ITGB5: variants seen among roughly 807,000 people sequenced by gnomAD.
The protein encoded by ITGB5 is integrin beta-5.
Under a neutral mutation model 84.8 loss-of-function variants are expected in ITGB5, and 38 were observed. That is an observed-to-expected ratio of 0.45 (90% CI 0.35 to 0.59). The LOEUF is 0.59. Ranked by LOEUF, ITGB5 falls within the 20% of genes least tolerant of loss-of-function variation. The pLI is 0.01. For synonymous variants in ITGB5, 393 were observed against 414.4 expected (o/e 0.95, Z 0.63); for missense variants, 905 against 1,034.5 (o/e 0.87, Z 1.72).
chr3:124,770,050 C>T (rs1281610032), intron 11 of ITGB5: 4 of 152,236 alleles, frequency 2.6e-5, no homozygotes, highest in African/African-American at 7.2e-5. Context: ...TGTCTGTCTT[C>T]GGAGACATCT....
At chr3:124,868,168 C>T (rs777985249) in intron 2 of ITGB5, among the ~76,000 whole-genome samples, 8 of 152,132 alleles carry the variant, frequency 5.3e-5, no homozygotes, top group Non-Finnish European at 8.8e-5. Flanking sequence ...CCAGCCATGG[C>T]GAACTGTGAG....
intron 1 of ITGB5, among the ~76,000 whole-genome samples, chr3:124,874,361 A>C (rs1237745663): frequency 6.6e-6 from 1 of 152,030 alleles, no homozygotes; most frequent in Non-Finnish European, 1.5e-5. Flanking sequence ...AATATCCCCA[A>C]AATGGAAAGA....
chr3:124,868,618 CA>C (rs67873873), intron 2 of ITGB5, among the ~76,000 whole-genome samples: 27,864 of 68,176 alleles, frequency 0.41, 2,664 homozygotes, highest in East Asian at 0.53. Context: ...TGTTCTCTAC[CA>C]AAAAAAAAAA....
At chr3:124,849,999 G>A (rs2065129590) in intron 3 of ITGB5, among the ~76,000 whole-genome samples, 1 of 152,042 alleles carries the variant, frequency 6.6e-6, no homozygotes, top group Non-Finnish European at 1.5e-5. Flanking sequence ...CTTTGTGTGT[G>A]TAGAGGCACA....
chr3:124,883,185 T>C (rs1437814796), intron 1 of ITGB5, among the ~76,000 whole-genome samples: 1 of 152,174 alleles, frequency 6.6e-6, no homozygotes, highest in African/African-American at 2.4e-5. Context: ...ATTACTGATA[T>C]CGTTAAAGCA....
intron 2 of ITGB5, among the ~76,000 whole-genome samples, chr3:124,866,788 G>A (rs529157814): frequency 7.2e-5 from 11 of 152,300 alleles, no homozygotes; most frequent in African/African-American, 2.6e-4. Context: ...GGTAGCTGAT[G>A]ACAACCAAGA....
intron 1 of ITGB5, among the ~76,000 whole-genome samples, chr3:124,892,812 T>C (rs1399546563): frequency 6.6e-6 from 1 of 152,036 alleles, no homozygotes; most frequent in Admixed American, 6.6e-5. Flanking sequence ...TGTTTCACAA[T>C]TCAGATTTAC....
chr3:124,873,890 A>AAAAGAATAC (rs1354367017), intron 1 of ITGB5, among the ~76,000 whole-genome samples: 1 of 152,236 alleles, frequency 6.6e-6, no homozygotes, highest in East Asian at 1.9e-4. Flanking sequence ...AAGAAAAGAA[A>AAAAGAATAC]AAAGAATACA....
intron 2 of ITGB5, among the ~76,000 whole-genome samples, chr3:124,865,092 G>A (rs2065367051): frequency 6.6e-6 from 1 of 152,212 alleles, no homozygotes; most frequent in South Asian, 2.1e-4. Flanking sequence ...TGGGCCCAAA[G>A]CTTCCATCCT....
At chr3:124,886,690 T>C (rs1257654283) in intron 1 of ITGB5, among the ~76,000 whole-genome samples, 1 of 151,666 alleles carries the variant, frequency 6.6e-6, no homozygotes, top group Non-Finnish European at 1.5e-5. Flanking sequence ...CCAGCCTGTT[T>C]ACACAGGAAG....
chr3:124,888,622 C>T (rs1259439444), upstream of ITGB5, among the ~76,000 whole-genome samples: 2 of 152,224 alleles, frequency 1.3e-5, no homozygotes, highest in Non-Finnish European at 2.9e-5. Flanking sequence ...CTCCGACAAC[C>T]CTACTGTTAT....
chr3:124,828,239 G>C (rs1008673852), intron 5 of ITGB5, among the ~76,000 whole-genome samples: 5 of 152,190 alleles, frequency 3.3e-5, no homozygotes, highest in Non-Finnish European at 7.3e-5. Flanking sequence ...ACATGAACAT[G>C]AACATTTACA....
At position 124,762,164 on chromosome 3, in the gene ITGB5, CATTTCACTATTTGACTTAG is replaced by C. The variant is rs1298498498; in HGVS notation, c.*1440_*1458del. On this transcript the variant is annotated 3_prime_UTR_variant, in exon 15 of 15. Transcript: ENST00000296181. The stretch of plus-strand genomic sequence containing the variant: ...GTAATAGGTTCTATGTAGTGACAGG[CATTTCACTATTTGACTTAG>C]TGTTTGCCAAAATGAAGTAAGGGGA... The C allele has an allele frequency of 6.6e-6, 1 of 152,178 alleles. No homozygotes were observed. The highest frequency in any genetic ancestry group is 1.5e-5 in the Non-Finnish European group (1 of 68,036). 9.4% of individuals were successfully genotyped at this position (152,178 alleles called of 1,614,324 possible). A position where few individuals can be genotyped will look rare whatever the true frequency, so the allele number is the denominator to read the frequency against.
intron 10 of ITGB5, among the ~76,000 whole-genome samples, chr3:124,795,071 C>G (rs1048392684): frequency 1.3e-5 from 2 of 152,072 alleles, no homozygotes; most frequent in African/African-American, 4.8e-5. Context: ...TAGCCTAGAT[C>G]AGAAGAGAGA....
chr3:124,865,208 A>C (rs1192489237), intron 2 of ITGB5, among the ~76,000 whole-genome samples: 2 of 152,148 alleles, frequency 1.3e-5, no homozygotes, highest in African/African-American at 4.8e-5. Context: ...AGGAGCCTCA[A>C]CCTATAGAAG....
Position 124,848,528 on chromosome 3 carries a change from C to A in ITGB5, c.392G>T (p.Arg131Leu), listed in dbSNP as rs137976767. 4 of 1,613,286 alleles carry A rather than the reference C, an allele frequency of 2.5e-6. No homozygotes were observed. Among genetic ancestry groups the A allele is most frequent in the Admixed American group, 1.7e-5 (1 of 59,988 alleles). Residue 131 changes from arginine (R) to leucine (L), a missense_variant, in exon 4 of 15, where the codon CGC (arginine) becomes CTC (leucine). Physicochemically the swap from Arg to Leu is moderately radical, Grantham distance 102. Around this residue, in one of 3 missense-constraint regions of ITGB5, gnomAD observed 656 missense variants for 734.7 expected, o/e 0.89. Transcript: ENST00000296181. ...GDKTTFQLQV[R>L]QVEDYPVDLY... The stretch of plus-strand genomic sequence containing the variant: ...GTCCACAGGATAGTCCTCCACCTGG[C>A]GAACCTGTAGCTGGAAGGTGGTCTT...
intron 1 of ITGB5, chr3:124,878,530 C>G (rs1934427506): frequency 1.3e-5 from 2 of 151,786 alleles, no homozygotes. Flanking sequence ...TCAAGAAACT[C>G]TGCACTTAAC....
intron 14 of ITGB5, 33 bp from the exon 15 acceptor site, chr3:124,763,751 A>G: frequency 7.8e-7 from 1 of 1,288,344 alleles, no homozygotes; most frequent in Non-Finnish European, 1.1e-6. Context: ...GGATGAGGAC[A>G]CATGTTAGCT....
Position 124,762,338 on chromosome 3 carries a change from G to A in ITGB5, c.*1285C>T, listed in dbSNP as rs144850023. On this transcript the variant is annotated 3_prime_UTR_variant, in exon 15 of 15. Transcript: ENST00000296181. ...GCAGGAATGAGGAGGCTGGCCCTCT[G>A]GCCAGCATGAGATGGGGTCTTAGGA... 2.3e-4 allele frequency: 35 copies of A among 152,310 alleles called. No individual in the cohort carries two copies. The highest frequency in any genetic ancestry group is 6.5e-4 in the African/African-American group (27 of 41,552). The allele number at this position is 152,310 out of a possible 1,614,324, so 9.4% of individuals were successfully genotyped here.
Sources: gnomAD v4.1 joint callset for allele counts (sites outside exome capture counted in the v4.1 genomes callset) on GRCh38, gnomAD v4.1.1 for gene constraint, gnomAD v4.1.1 regional missense constraint, MANE v1.5 for transcripts, NCBI Gene and HGNC (gene_info 2026-07-23, HGNC 2026-07-21) for gene names.